The following PRDM11 variants were observed in gnomAD, a reference collection of about 807,000 sequenced individuals.
PRDM11 encodes the protein PR domain-containing protein 11.
In PRDM11, 20 loss-of-function variants were observed where a neutral mutation model predicts 97.8. The ratio of observed to expected loss-of-function variants is 0.20; its 90% confidence interval spans 0.14 to 0.30. PRDM11 has a LOEUF of 0.30. Ranked by LOEUF, PRDM11 falls within the 10% of genes least tolerant of loss-of-function variation. The probability of loss-of-function intolerance (pLI) is 1.00; values close to 1 mark genes in which losing one functional copy is unlikely to be tolerated. For missense variants in PRDM11, 1,139 were observed against 1,555.2 expected, an observed-to-expected ratio of 0.73 and a Z score of 4.50; for synonymous variants, 599 against 637.7, an observed-to-expected ratio of 0.94 and a Z score of 0.91.
chr11:45,151,125 C>A (rs1384244924), intron 1 of PRDM11, among the ~76,000 whole-genome samples: 2 of 152,170 alleles, frequency 1.3e-5, no homozygotes, highest in Admixed American at 6.5e-5. Flanking sequence ...ACCTACCTAA[C>A]ATCGGGGTTT....
intron 1 of PRDM11, among the ~76,000 whole-genome samples, chr11:45,149,877 C>T (rs1042966218): frequency 3.3e-5 from 5 of 152,210 alleles, no homozygotes; most frequent in Non-Finnish European, 5.9e-5. Context: ...CTGTGCTGAC[C>T]GATGCAGGGA....
At chr11:45,131,215 T>A (rs1852712295) in intron 1 of PRDM11, among the ~76,000 whole-genome samples, 1 of 152,174 alleles carries the variant, frequency 6.6e-6, no homozygotes, top group Non-Finnish European at 1.5e-5. Context: ...GGTGATAGAA[T>A]CTGAGTAATG....
chr11:45,182,709 C>G, intron 3 of PRDM11, 152 bp from the exon 4 acceptor site: 2 of 987,884 alleles, frequency 2.0e-6, no homozygotes, highest in Non-Finnish European at 1.5e-6. Flanking sequence ...CTTGGAGCCC[C>G]CAGGGAGAGT....
chr11:45,100,972 T>C (rs1772378184), intron 1 of PRDM11, among the ~76,000 whole-genome samples: 1 of 152,218 alleles, frequency 6.6e-6, no homozygotes. Context: ...CTAATCCAAA[T>C]GCTGTATTCT....
chr11:45,146,785 G>A lies in PRDM11; in HGVS notation c.-99G>A, dbSNP rs1434489996. On this transcript the variant is annotated 5_prime_UTR_variant, in exon 1 of 8. Coordinates refer to ENST00000683152, the MANE Select transcript of PRDM11 (RefSeq NM_001384648.1). Reference sequence around the variant, plus strand: ...CAGCGCGGCCGCTCCCTCCGCGGGGGCCGCCAGCCGAGGCCGCGCCGCCTC... The same window carrying A: ...CAGCGCGGCCGCTCCCTCCGCGGGGACCGCCAGCCGAGGCCGCGCCGCCTC... 1 of 146,482 alleles carries A rather than the reference G, an allele frequency of 6.8e-6. No individual in the cohort carries two copies. Among genetic ancestry groups the A allele is most frequent in the Non-Finnish European group, 1.5e-5 (1 of 65,812 alleles). The allele number at this position is 146,482 out of a possible 1,614,324, so 9.1% of individuals were successfully genotyped here. A position where few individuals can be genotyped will look rare whatever the true frequency, so the allele number is the denominator to read the frequency against.
intron 4 of PRDM11, among the ~76,000 whole-genome samples, chr11:45,185,218 C>G (rs371287887): frequency 6.6e-6 from 1 of 152,232 alleles, no homozygotes; most frequent in South Asian, 2.1e-4. Flanking sequence ...AGCCTCCTGT[C>G]CCCGGACATT....
At chr11:45,109,839 C>A (rs1852136494) in intron 1 of PRDM11, among the ~76,000 whole-genome samples, 1 of 152,142 alleles carries the variant, frequency 6.6e-6, no homozygotes, top group African/African-American at 2.4e-5. Context: ...AATTCCTTCC[C>A]TTTCTGAGTC....
intron 1 of PRDM11, among the ~76,000 whole-genome samples, chr11:45,165,731 G>A (rs1205377500): frequency 1.3e-5 from 2 of 152,208 alleles, no homozygotes; most frequent in Non-Finnish European, 2.9e-5. Context: ...TTTCTTCGAA[G>A]TTGGCAAAAA....
upstream of PRDM11, chr11:45,095,679 T>G: frequency 1.6e-6 from 1 of 640,500 alleles, no homozygotes; most frequent in South Asian, 1.9e-5. Context: ...CCCTGGGACA[T>G]GTCCTCTTGG....
At chr11:45,206,069 T>C (rs1385755833) in intron 5 of PRDM11, among the ~76,000 whole-genome samples, 1 of 152,128 alleles carries the variant, frequency 6.6e-6, no homozygotes, top group Non-Finnish European at 1.5e-5. Flanking sequence ...CTGACTGCCT[T>C]CTCTTCTCAC....
Position 45,226,060 on chromosome 11 carries a change from G to T in PRDM11, c.1435G>T (p.Asp479Tyr). The change falls in exon 8 of 8, where the codon GAT becomes TAT. Residue 479 changes from aspartate (D) to tyrosine (Y), a missense_variant. Asp to Tyr is a radical substitution (Grantham distance 160). This residue lies in a region of PRDM11 where 710 missense variants were observed against 1,044.9 expected (regional missense o/e 0.68). Coordinates refer to ENST00000683152, the MANE Select transcript of PRDM11 (RefSeq NM_001384648.1). ...EDDDQEVDSA[D>Y]ESVSNDMMTA... ...TGATGACCAGGAAGTCGATTCAGCA[G>T]ATGAATCTGTCTCCAATGATATGAT... 3 of 1,519,648 alleles carry T rather than the reference G, an allele frequency of 2.0e-6. No individual in the cohort carries two copies. The highest frequency in any genetic ancestry group is 2.6e-6 in the Non-Finnish European group (3 of 1,134,640). 94.1% of individuals were successfully genotyped at this position (1,519,648 alleles called of 1,614,324 possible).
chr11:45,219,700 T>C lies in PRDM11; in HGVS notation c.685T>C (p.Tyr229His). The C allele has an allele frequency of 6.2e-7, 1 of 1,614,050 alleles. No homozygotes were observed. The highest frequency in any genetic ancestry group is 8.5e-7 in the Non-Finnish European group (1 of 1,180,026). Residue 229 changes from tyrosine (Y) to histidine (H), a missense_variant, in exon 6 of 8, where the codon TAC (tyrosine) becomes CAC (histidine). Physicochemically the swap from Tyr to His is moderately conservative, Grantham distance 83 (BLOSUM62 2). Coordinates refer to ENST00000683152, the MANE Select transcript of PRDM11 (RefSeq NM_001384648.1). This position sits in a 1 kb window ranked among gnomAD's most constrained non-coding sequence, Gnocchi z 4.2. Reference sequence around the variant, plus strand: ...GCTGCGGGTCTGGTACAGCGAGGACTACATGAAGCGCCTGCACAGCATGTC... The same window carrying C: ...GCTGCGGGTCTGGTACAGCGAGGACCACATGAAGCGCCTGCACAGCATGTC... ...EWLRVWYSED[Y>H]MKRLHSMSQE...
At chr11:45,165,094 C>T (rs1370636067) in intron 1 of PRDM11, among the ~76,000 whole-genome samples, 2 of 152,120 alleles carry the variant, frequency 1.3e-5, no homozygotes, top group Middle Eastern at 3.2e-3. Flanking sequence ...TTCTCCAGAT[C>T]GCATAGTTAG....
chr11:45,171,846 C>T lies in PRDM11; in HGVS notation c.-6-9915C>T, dbSNP rs546131860. On this transcript the variant is annotated intron_variant, in intron 1 of 7. Coordinates refer to ENST00000683152, the MANE Select transcript of PRDM11 (RefSeq NM_001384648.1). ...CAACCGTGTCAGTTACAGTTTCTGT[C>T]TCTGAGATGGTTCCCAACACCAGCC... Among the ~76,000 whole-genome samples, 14 of 152,352 alleles carry T rather than the reference C, an allele frequency of 9.2e-5. No individual in the cohort carries two copies. The South Asian group carries it at 2.9e-3, about 32-fold the overall frequency.
chr11:45,205,411 A>T (rs1448720572), intron 5 of PRDM11, among the ~76,000 whole-genome samples: 1 of 152,022 alleles, frequency 6.6e-6, no homozygotes, highest in Non-Finnish European at 1.5e-5. Context: ...CGTGATGCTG[A>T]TGGTCTGTGC....
At chr11:45,118,973 T>G (rs11038308) in intron 1 of PRDM11, among the ~76,000 whole-genome samples, 69,916 of 152,076 alleles carry the variant, frequency 0.46, 18,067 homozygotes, top group Non-Finnish European at 0.58. Flanking sequence ...CTTGGCCCAG[T>G]CAGAGAAACT....
At chr11:45,222,598 G>T (rs1363173446) in intron 6 of PRDM11, among the ~76,000 whole-genome samples, 1 of 152,184 alleles carries the variant, frequency 6.6e-6, no homozygotes. Context: ...AGATAAAGTT[G>T]TTCCTTAGGT....
intron 1 of PRDM11, among the ~76,000 whole-genome samples, chr11:45,167,872 T>C (rs1004161055): frequency 2.6e-5 from 4 of 152,082 alleles, no homozygotes; most frequent in African/African-American, 4.8e-5. Flanking sequence ...GAGGTACTTA[T>C]GCATGCTTCG....
intron 4 of PRDM11, among the ~76,000 whole-genome samples, chr11:45,201,481 CCTT>C: frequency 6.6e-6 from 1 of 151,900 alleles, no homozygotes. Context: ...TTCCTTCTTT[CCTT>C]CTTTCTTTCT....
Sources: gnomAD v4.1 joint callset for allele counts (sites outside exome capture counted in the v4.1 genomes callset) on GRCh38, gnomAD v4.1.1 for gene constraint, gnomAD v4.1.1 regional missense constraint, Gnocchi (gnomAD v3.1) non-coding constraint, MANE v1.5 for transcripts, NCBI Gene and HGNC (gene_info 2026-07-23, HGNC 2026-07-21) for gene names.